DROSHA: variants seen among roughly 807,000 people sequenced by gnomAD.
DROSHA encodes the protein drosha ribonuclease III.
Under a neutral mutation model 181.9 loss-of-function variants are expected in DROSHA, and 56 were observed. That is an observed-to-expected ratio of 0.31 (90% CI 0.25 to 0.38). The LOEUF is 0.38. Among genes scored for constraint, DROSHA ranks in the 10% least tolerant of loss-of-function variants. The pLI, the probability that DROSHA is intolerant of heterozygous loss-of-function variation, is 1.00. For synonymous variants in DROSHA, 524 were observed against 591.2 expected (o/e 0.89, Z 1.65); for missense variants, 1,218 against 1,743.5 (o/e 0.70, Z 5.37).
At chr5:31,431,863 C>G (rs904493943) in intron 25 of DROSHA, among the ~76,000 whole-genome samples, 185 bp from the exon 26 acceptor site, 1 of 152,152 alleles carries the variant, frequency 6.6e-6, no homozygotes, top group African/African-American at 2.4e-5. Context: ...ACATACAGCT[C>G]AGTTTTCACT....
At chr5:31,423,427 T>C (rs982719158) in intron 28 of DROSHA, 5 of 153,414 alleles carry the variant, frequency 3.3e-5, no homozygotes, top group African/African-American at 1.2e-4. Context: ...GGTCTGGGTC[T>C]GCCCTTTAAA....
intron 18 of DROSHA, 80 bp from the exon 19 acceptor site, chr5:31,466,361 C>T (rs1191886768): frequency 8.6e-7 from 1 of 1,163,460 alleles, no homozygotes; most frequent in Non-Finnish European, 1.3e-6. Flanking sequence ...TTTTAAGAGG[C>T]CTCTTCAAAT....
intron 20 of DROSHA, among the ~76,000 whole-genome samples, chr5:31,455,285 T>C (rs915660641): frequency 9.9e-5 from 15 of 151,778 alleles, no homozygotes; most frequent in African/African-American, 3.4e-4. Flanking sequence ...TATAAGAAGA[T>C]ATAAGATGCA....
chr5:31,418,241 CACAGAGAGAGAGAGAGAGAGGGAG>C (rs928246179), intron 30 of DROSHA, among the ~76,000 whole-genome samples: 4 of 148,254 alleles, frequency 2.7e-5, no homozygotes, highest in Non-Finnish European at 4.5e-5. Context: ...GTGTGTGTGT[CACAGAGAGAGAGAGAGAGAGGGAG>C]ACAGAGAGAG....
intron 23 of DROSHA, 147 bp from the exon 24 acceptor site, chr5:31,437,445 C>A (rs765199415): frequency 1.4e-6 from 1 of 718,036 alleles, no homozygotes; most frequent in Non-Finnish European, 2.3e-6. Context: ...GAGCACAGAC[C>A]ACCATCTTAG....
At chr5:31,410,644 T>G in intron 31 of DROSHA, 102 bp downstream of exon 31, 1 of 1,441,026 alleles carries the variant, frequency 6.9e-7, no homozygotes. Context: ...CAAACAAGGT[T>G]TCTTTAGCCA....
At chr5:31,435,379 T>C (rs1047476617) in intron 25 of DROSHA, among the ~76,000 whole-genome samples, 4 of 152,206 alleles carry the variant, frequency 2.6e-5, no homozygotes, top group Admixed American at 2.0e-4. Flanking sequence ...AAAGCTATCA[T>C]TTGGCTTGTT....
intron 23 of DROSHA, among the ~76,000 whole-genome samples, chr5:31,443,819 A>G (rs1430362311): frequency 6.6e-6 from 1 of 152,156 alleles, no homozygotes; most frequent in Non-Finnish European, 1.5e-5. Context: ...TTTCTAGTCA[A>G]TAAGTAAATA....
chr5:31,484,814 G>C, intron 15 of DROSHA, 67 bp downstream of exon 15: 1 of 1,158,216 alleles, frequency 8.6e-7, no homozygotes, highest in Non-Finnish European at 1.2e-6. Context: ...ACTTTTATAA[G>C]AGTTTTCACA....
intron 11 of DROSHA, among the ~76,000 whole-genome samples, chr5:31,496,465 C>T (rs13359164): frequency 0.021 from 3,233 of 152,302 alleles, 107 homozygotes; most frequent in African/African-American, 0.074. Flanking sequence ...CATCTGGCTG[C>T]AAGGTGGCCT....
chr5:31,463,126 A>G (rs1311861554), intron 20 of DROSHA, among the ~76,000 whole-genome samples: 1 of 152,216 alleles, frequency 6.6e-6, no homozygotes, highest in Non-Finnish European at 1.5e-5. Context: ...CAATGGAAGT[A>G]AAATATTCAT....
intron 6 of DROSHA, among the ~76,000 whole-genome samples, chr5:31,519,439 C>T (rs1180393059): frequency 6.6e-6 from 1 of 152,176 alleles, no homozygotes; most frequent in Non-Finnish European, 1.5e-5. Context: ...ACTTACAGCA[C>T]TTAACTTTCC....
intron 6 of DROSHA, among the ~76,000 whole-genome samples, chr5:31,518,500 T>G (rs1739511915): frequency 6.6e-6 from 1 of 152,252 alleles, no homozygotes; most frequent in Non-Finnish European, 1.5e-5. Flanking sequence ...TTAATTTGTC[T>G]TTGCATTACA....
rs1419681286 is a variant in DROSHA at position 31,472,209 on chromosome 5, T to G, written c.2095A>C (p.Met699Leu). 1 of 1,610,300 alleles carries G rather than the reference T, an allele frequency of 6.2e-7. No homozygotes were observed. Among genetic ancestry groups the G allele is most frequent in the Non-Finnish European group, 8.5e-7 (1 of 1,178,072 alleles). Reference protein sequence around the residue: ...LPDGGKEVLSMHQILLYLLRC... With the variant: ...LPDGGKEVLSLHQILLYLLRC... ...AACAAGTACAGGAGAATCTGGTGCATGGACAGCACTTCCTTTCCTCCATCT... is the reference window on the plus strand; with the variant it reads ...AACAAGTACAGGAGAATCTGGTGCAGGGACAGCACTTCCTTTCCTCCATCT... Residue 699 changes from methionine (M) to leucine (L), a missense_variant, in exon 17 of 36, where the codon ATG becomes CTG. Physicochemically the swap from Met to Leu is conservative, Grantham distance 15. This residue lies in a region of DROSHA where 460 missense variants were observed against 774.2 expected (regional missense o/e 0.59). Transcript: ENST00000344624.
At position 31,406,551 on chromosome 5, in the gene DROSHA, C is replaced by T. The variant is rs972259403; in HGVS notation, c.3947+302G>A. ...CATGTGCGACATGACACATCTTACA[C>T]ACACAGCTTGCATCAAAGTGTGCTC... is the stretch of plus-strand genomic sequence containing the variant. On this transcript the variant is annotated intron_variant, in intron 34 of 35. Coordinates refer to ENST00000344624, the MANE Select transcript of DROSHA (RefSeq NM_001382508.1). Among the ~76,000 whole-genome samples the T allele has an allele frequency of 2.6e-5, 4 of 151,968 alleles. No homozygotes were observed. In the East Asian group the frequency reaches 5.8e-4, roughly 22 times the overall value.
At chr5:31,425,871 T>C (rs1462785102) in intron 27 of DROSHA, among the ~76,000 whole-genome samples, 3 of 152,116 alleles carry the variant, frequency 2.0e-5, no homozygotes, top group African/African-American at 7.2e-5. Flanking sequence ...ACAAAGATAA[T>C]TGTAGGACCT....
At position 31,521,285 on chromosome 5, in the gene DROSHA, T is replaced by A. The variant is rs1446197211; in HGVS notation, c.855-70A>T. 11 of 1,533,560 alleles carry A rather than the reference T, an allele frequency of 7.2e-6. No homozygotes were observed. In the African/African-American group the frequency reaches 1.1e-4, roughly 15 times the overall value. The allele number at this position is 1,533,560 out of a possible 1,614,324, so 95.0% of individuals were successfully genotyped here. On this transcript the variant is annotated intron_variant, in intron 5 of 35. Transcript: ENST00000344624. ...AAAAACACCATCTCTTTTCACTGAA[T>A]TCATCTTGTAAATAAATGGACCACA...
Position 31,448,625 on chromosome 5 carries a change from C to G in DROSHA, c.2822-18G>C. The G allele has an allele frequency of 6.3e-7, 1 of 1,592,838 alleles. No homozygotes were observed. The highest frequency in any genetic ancestry group is 1.1e-5 in the South Asian group (1 of 90,378). The stretch of plus-strand genomic sequence containing the variant: ...GTTAATCCCTATTTAAAATAAAAAA[C>G]AAATACACAAGTAAATACGGATAGA... On this transcript the variant is annotated intron_variant, in intron 22 of 35. Coordinates refer to ENST00000344624, the MANE Select transcript of DROSHA (RefSeq NM_001382508.1).
chr5:31,517,550 T>A (rs1173821362), intron 6 of DROSHA, among the ~76,000 whole-genome samples: 4 of 152,342 alleles, frequency 2.6e-5, no homozygotes, highest in East Asian at 3.9e-4. Flanking sequence ...CTTTATCACA[T>A]GTAACTTTAC....
Sources: allele counts gnomAD v4.1 joint callset (sites outside exome capture counted in the v4.1 genomes callset), GRCh38; gene constraint gnomAD v4.1.1; regional missense constraint gnomAD v4.1.1; transcripts MANE v1.5; gene names NCBI Gene and HGNC (gene_info 2026-07-23, HGNC 2026-07-21).